Variants in ABCA1 observed in about 807,000 individuals in gnomAD.
The protein encoded by ABCA1 is phospholipid-transporting ATPase ABCA1.
In ABCA1, 133 loss-of-function variants were observed where a neutral mutation model predicts 262.5. The observed-to-expected ratio is 0.51, with a 90% CI of 0.44 to 0.59. ABCA1 has a LOEUF of 0.59. Ranked by LOEUF, ABCA1 falls within the 20% of genes least tolerant of loss-of-function variation. ABCA1 has a pLI of 0.00. For synonymous variants in ABCA1, 1,022 were observed against 1,043.5 expected, an observed-to-expected ratio of 0.98 and a Z score of 0.40; for missense variants, 2,452 against 2,777.5, an observed-to-expected ratio of 0.88 and a Z score of 2.63.
At chr9:104,906,435 C>G (rs1161310306) in intron 1 of ABCA1, among the ~76,000 whole-genome samples, 1 of 152,148 alleles carries the variant, frequency 6.6e-6, no homozygotes, top group African/African-American at 2.4e-5. Context: ...AAGGTTCTGA[C>G]TCCAAGGACT....
intron 5 of ABCA1, among the ~76,000 whole-genome samples, chr9:104,881,228 G>A (rs1039162892): frequency 2.0e-5 from 3 of 152,188 alleles, no homozygotes; most frequent in Non-Finnish European, 4.4e-5. Flanking sequence ...AAGTCTGCTT[G>A]ACAACTTACC....
In ABCA1 at chr9:104,816,312, T is replaced by G; in HGVS notation, c.3569A>C (p.His1190Pro). The change falls in exon 25 of 50, where the codon CAT becomes CCT. Residue 1190 changes from histidine (H) to proline (P), a missense_variant. His to Pro is a moderately conservative substitution (Grantham distance 77). Coordinates refer to ENST00000374736, the MANE Select transcript of ABCA1 (RefSeq NM_005502.4). The part of the protein sequence containing the change: ...VSAISNLIRK[H>P]VSEARLVEDI... ...TTCCACCAGCCGGGCTTCAGACACA[T>G]GCTTCCTGATGAGGTTGGAGATAGC... The G allele has an allele frequency of 1.9e-6, 3 of 1,613,974 alleles. No individual in the cohort carries two copies. Among genetic ancestry groups the G allele is most frequent in the Non-Finnish European group, 2.5e-6 (3 of 1,180,000 alleles).
chr9:104,918,573 C>A (rs1009873820), intron 1 of ABCA1, among the ~76,000 whole-genome samples: 2 of 152,210 alleles, frequency 1.3e-5, no homozygotes, highest in South Asian at 4.1e-4. Flanking sequence ...TTTAATAGCA[C>A]TATAGGTGTA....
rs1263552475 is a variant in ABCA1, at chr9:104,817,569, T to C, written c.3463-165A>G. 1.3e-5 allele frequency among the ~76,000 whole-genome samples: 2 copies of C among 152,228 alleles called. No individual in the cohort carries two copies. ...GCAGCCGTGGCTTCAGAGGACCCTG[T>C]CTGGCATGTGTGTGCCGTGTGAACA... On this transcript the variant is annotated intron_variant, in intron 23 of 49. Transcript: ENST00000374736. The surrounding 1 kb of genome is among the most constrained non-coding windows in gnomAD (Gnocchi z 4.7).
intron 7 of ABCA1, chr9:104,855,246 G>C: frequency 1.3e-6 from 1 of 779,356 alleles, no homozygotes; most frequent in Non-Finnish European, 1.6e-6. Context: ...ACGCTGGCTG[G>C]AATGCAGTGG....
Position 104,829,078 on chromosome 9 carries a change from T to C in ABCA1, c.1953A>G (p.Ser651=), listed in dbSNP as rs368774156. The change falls in exon 15 of 50, where the codon TCA becomes TCG. Residue 651 remains serine, a synonymous_variant. Transcript: ENST00000374736. ...CGATGCCCTTGATGATCACAGCCAC[T>C]GAGTAAATCCAGGCCAGCGTCATGA... The part of the protein sequence containing the change: ...PLFMTLAWIY[S]VAVIIKGIVY... 3.5e-5 allele frequency: 57 copies of C among 1,614,044 alleles called. No homozygotes were observed. The African/African-American group carries it at 7.2e-4, about 20-fold the overall frequency.
intron 25 of ABCA1, 88 bp from the exon 26 acceptor site, chr9:104,814,563 A>T (rs924171166): frequency 2.3e-6 from 3 of 1,280,164 alleles, no homozygotes; most frequent in Non-Finnish European, 3.4e-6. Flanking sequence ...ACTGAGTGGC[A>T]TGTTAGCCCC....
Position 104,825,295 on chromosome 9 carries a change from C to T in ABCA1, c.2542+388G>A, listed in dbSNP as rs537275473. Among the ~76,000 whole-genome samples the T allele has an allele frequency of 6.6e-5, 10 of 152,286 alleles. No individual in the cohort carries two copies. The East Asian group carries it at 1.4e-3, about 21-fold the overall frequency. On this transcript the variant is annotated intron_variant, in intron 17 of 49. Transcript: ENST00000374736. ...CCTGGGCTTATTGACCCAGTGTAAC[C>T]GAAGTGGATTCACCTCCACGTACCA...
At position 104,827,094 on chromosome 9, in the gene ABCA1, G is replaced by A. The variant is rs752032706; in HGVS notation, c.2191C>T (p.Leu731=). ...AGTGTGCTAATCAGGAAGCACTGCA[G>A]GATTGTCACCACAGCAAACACGGAC... ...FLSVFAVVTI[L]QCFLISTLFS... The change falls in exon 16 of 50, where the codon CTG becomes TTG. Residue 731 remains leucine, a synonymous_variant. Transcript: ENST00000374736. 9 of 1,614,048 alleles carry A rather than the reference G, an allele frequency of 5.6e-6. No homozygotes were observed. The Admixed American group carries it at 1.5e-4, about 27-fold the overall frequency.
chr9:104,890,788 T>G (rs1343051619), intron 2 of ABCA1, among the ~76,000 whole-genome samples: 1 of 152,074 alleles, frequency 6.6e-6, no homozygotes, highest in African/African-American at 2.4e-5. Context: ...TTCTTGATCT[T>G]CAAGTCCTTA....
chr9:104,875,351 CAAA>C (rs749025515), intron 5 of ABCA1, among the ~76,000 whole-genome samples: 5 of 63,952 alleles, frequency 7.8e-5, no homozygotes, highest in African/African-American at 2.3e-4. Flanking sequence ...GACTCCATCT[CAAA>C]AAAAAAAAAA....
intron 37 of ABCA1, 113 bp downstream of exon 37, chr9:104,798,308 C>A: frequency 7.7e-7 from 1 of 1,302,650 alleles, no homozygotes; most frequent in East Asian, 2.3e-5. Context: ...TTTCATACAT[C>A]TTTAGAGTAG....
chr9:104,796,530 G>A, intron 37 of ABCA1, 106 bp from the exon 38 acceptor site: 1 of 822,376 alleles, frequency 1.2e-6, no homozygotes, highest in Non-Finnish European at 2.1e-6. Flanking sequence ...AAACATATTG[G>A]AGAGTAACTC....
At chr9:104,829,945 C>T (rs73663559) in intron 14 of ABCA1, among the ~76,000 whole-genome samples, 1,354 of 51,630 alleles carry the variant, frequency 0.026, 26 homozygotes, top group African/African-American at 0.16. Context: ...CTGATCCCTA[C>T]ACACACACAC....
chr9:104,872,680 C>T (rs574945693), intron 5 of ABCA1, among the ~76,000 whole-genome samples: 1 of 152,294 alleles, frequency 6.6e-6, no homozygotes, highest in East Asian at 1.9e-4. Context: ...CTGAGATTGC[C>T]TTTTGGTGCC....
chr9:104,916,747 T>C (rs1469231613), intron 1 of ABCA1, among the ~76,000 whole-genome samples: 4 of 152,204 alleles, frequency 2.6e-5, no homozygotes, highest in Admixed American at 2.6e-4. Flanking sequence ...TGGCACGATC[T>C]GGGCTCACTG....
In ABCA1 at chr9:104,785,671, A is replaced by G. The variant is rs552520271; in HGVS notation, c.6402-32T>C. On this transcript the variant is annotated intron_variant, in intron 48 of 49. Coordinates refer to ENST00000374736, the MANE Select transcript of ABCA1 (RefSeq NM_005502.4). ...GCAGGAAAAAATACCCAAATGGAGG[A>G]TCTCCAGAAAACTATTTAAAAGAAT... 7.4e-6 allele frequency: 12 copies of G among 1,612,870 alleles called. No homozygotes were observed. The Admixed American group carries it at 2.0e-4, about 27-fold the overall frequency.
intron 8 of ABCA1, 97 bp from the exon 9 acceptor site, chr9:104,840,616 C>T (rs556995367): frequency 4.0e-6 from 5 of 1,235,618 alleles, no homozygotes; most frequent in East Asian, 2.5e-5. Flanking sequence ...ATCTTATTTT[C>T]TTGACCTCTC....
intron 5 of ABCA1, among the ~76,000 whole-genome samples, chr9:104,869,269 A>G (rs1185110157): frequency 1.3e-5 from 2 of 151,676 alleles, no homozygotes; most frequent in African/African-American, 4.8e-5. Context: ...GGAAAATCAC[A>G]TCAGCATCCC....
Sources: allele counts gnomAD v4.1 joint callset (sites outside exome capture counted in the v4.1 genomes callset), GRCh38; gene constraint gnomAD v4.1.1; non-coding constraint Gnocchi (gnomAD v3.1); transcripts MANE v1.5; gene names NCBI Gene and HGNC (gene_info 2026-07-23, HGNC 2026-07-21).